FAM81A: variants seen among roughly 807,000 people sequenced by gnomAD.
FAM81A encodes protein FAM81A.
Under a neutral mutation model 46.7 loss-of-function variants are expected in FAM81A, and 19 were observed. The ratio of observed to expected loss-of-function variants is 0.41; its 90% CI spans 0.28 to 0.60. FAM81A has a LOEUF of 0.60. Among genes scored for constraint, FAM81A ranks in the 20% least tolerant of loss-of-function variants. FAM81A has a pLI of 0.34. For missense variants in FAM81A, 377 were observed against 453.5 expected (o/e 0.83, Z 1.53); for synonymous variants, 183 against 152.9 (o/e 1.20, Z -1.45).
intron 3 of FAM81A, among the ~76,000 whole-genome samples, chr15:59,465,610 G>A (rs921793167): frequency 1.3e-5 from 2 of 152,084 alleles, no homozygotes; most frequent in African/African-American, 2.4e-5. Context: ...TTGTCTATTC[G>A]CGGTCTTTTG....
intron 4 of FAM81A, among the ~76,000 whole-genome samples, chr15:59,499,724 A>G (rs990338755): frequency 6.6e-6 from 1 of 152,132 alleles, no homozygotes; most frequent in African/African-American, 2.4e-5. Context: ...AGCGCCATGA[A>G]TATGTCATCT....
chr15:59,402,713 TG>T (rs398118902), intron 2 of FAM81A, among the ~76,000 whole-genome samples: 2 of 20,124 alleles, frequency 9.9e-5, no homozygotes, highest in East Asian at 3.0e-3. Context: ...GATATTTTTT[TG>T]GGGGGTGGGG....
intron 2 of FAM81A, among the ~76,000 whole-genome samples, chr15:59,432,033 TTA>T (rs1351697124): frequency 1.5e-4 from 23 of 152,214 alleles, no homozygotes; most frequent in African/African-American, 5.5e-4. Flanking sequence ...TAATATTAAT[TTA>T]TCTTACTTTG....
intron 2 of FAM81A, among the ~76,000 whole-genome samples, chr15:59,403,534 A>T (rs1397290258): frequency 6.6e-6 from 1 of 152,184 alleles, no homozygotes; most frequent in Non-Finnish European, 1.5e-5. Flanking sequence ...GAGAATATAC[A>T]TTTATGTTGC....
chr15:59,518,806 A>C (rs28560277), intron 8 of FAM81A, among the ~76,000 whole-genome samples: 27,991 of 151,746 alleles, frequency 0.18, 3,311 homozygotes, highest in African/African-American at 0.33. Flanking sequence ...TGTTTTTTAA[A>C]TAAAAAAAAT....
intron 1 of FAM81A, among the ~76,000 whole-genome samples, chr15:59,453,603 T>G (rs1343455179): frequency 6.6e-6 from 1 of 152,066 alleles, no homozygotes; most frequent in Non-Finnish European, 1.5e-5. Flanking sequence ...TATGTTGGAC[T>G]GTAGCTGTGC....
At position 59,401,567 on chromosome 15, in the gene FAM81A, G is replaced by T. The variant is rs567064848; in HGVS notation, c.-160-709G>T. The T allele has an allele frequency of 9.5e-5, 75 of 786,286 alleles. No individual in the cohort carries two copies. The South Asian group carries it at 1.0e-3, about 11-fold the overall frequency. 48.7% of individuals were successfully genotyped at this position (786,286 alleles called of 1,614,324 possible). ...GACATTAGTAACCACCCTCTTCCATGCCTTCTTCTTTCTCTTCCTTGTTCG... is the reference window on the plus strand; with the variant it reads ...GACATTAGTAACCACCCTCTTCCATTCCTTCTTCTTTCTCTTCCTTGTTCG... On this transcript the variant is annotated intron_variant, in intron 1 of 4. Coordinates refer to the FAM81A transcript ENST00000558348.
intron 3 of FAM81A, among the ~76,000 whole-genome samples, chr15:59,476,629 T>A (rs1411915174): frequency 6.6e-5 from 10 of 151,162 alleles, no homozygotes; most frequent in African/African-American, 2.4e-4. Context: ...CTCCTAAAAA[T>A]ATATATAAAA....
At chr15:59,516,435 A>G (rs1178090273) in intron 7 of FAM81A, among the ~76,000 whole-genome samples, 1 of 152,142 alleles carries the variant, frequency 6.6e-6, no homozygotes, top group Non-Finnish European at 1.5e-5. Flanking sequence ...CAGCCTGAAA[A>G]TGTAGTCTTT....
At chr15:59,479,213 G>A (rs1205465632) in intron 3 of FAM81A, among the ~76,000 whole-genome samples, 1 of 152,078 alleles carries the variant, frequency 6.6e-6, no homozygotes, top group African/African-American at 2.4e-5. Flanking sequence ...CTGTGTGGCT[G>A]TCTTAGAAAG....
chr15:59,444,311 GT>G (rs2081332242), intron 1 of FAM81A: 1 of 152,260 alleles, frequency 6.6e-6, no homozygotes, highest in South Asian at 2.1e-4. Context: ...GAAGAGTCAG[GT>G]GGGTGTTGGC....
chr15:59,413,913 G>A (rs1343521213), intron 2 of FAM81A, among the ~76,000 whole-genome samples: 1 of 152,110 alleles, frequency 6.6e-6, no homozygotes, highest in African/African-American at 2.4e-5. Context: ...TGAGGCTCTG[G>A]CAGGTAGAAT....
rs181942259 is a variant in FAM81A, at chr15:59,410,811, C to T, written c.-78+8453C>T. Among the ~76,000 whole-genome samples, 55 of 152,284 alleles carry T rather than the reference C, an allele frequency of 3.6e-4. No homozygotes were observed. The East Asian group carries it at 5.4e-3, about 15-fold the overall frequency. ...CAGGCTATTGTGCAGTGGCTGATCT[C>T]GGCTTACTGATCTTGGCTGAATTCC... On this transcript the variant is annotated intron_variant, in intron 2 of 4. Coordinates refer to the FAM81A transcript ENST00000558348.
intron 1 of FAM81A, among the ~76,000 whole-genome samples, chr15:59,454,333 AATTT>A (rs1393795034): frequency 1.3e-5 from 2 of 152,192 alleles, no homozygotes; most frequent in African/African-American, 4.8e-5. Context: ...TTATCATTTT[AATTT>A]ATTAAATTCA....
chr15:59,478,734 G>A (rs1200338458), intron 3 of FAM81A, among the ~76,000 whole-genome samples: 4 of 137,154 alleles, frequency 2.9e-5, no homozygotes, highest in African/African-American at 1.1e-4. Context: ...AATGGAATTC[G>A]AATATTTATT....
chr15:59,454,294 A>C (rs1158414970), intron 1 of FAM81A, among the ~76,000 whole-genome samples: 1 of 152,216 alleles, frequency 6.6e-6, no homozygotes, highest in Non-Finnish European at 1.5e-5. Flanking sequence ...CTGTTTTTAC[A>C]TGATTGGTAT....
At position 59,407,679 on chromosome 15, in the gene FAM81A, A is replaced by C. The variant is rs554629466; in HGVS notation, c.-78+5321A>C. The C allele has an allele frequency of 6.5e-5, 11 of 168,714 alleles. No individual in the cohort carries two copies. The South Asian group carries it at 1.4e-3, about 22-fold the overall frequency. 10.5% of individuals were successfully genotyped at this position (168,714 alleles called of 1,614,324 possible). A position where few individuals can be genotyped will look rare whatever the true frequency, so the allele number is the denominator to read the frequency against. ...GCTCGATGGGATCCACATCATGTCC[A>C]GTCACCACCAGCTGAGCCTTCTTAT... On this transcript the variant is annotated intron_variant, in intron 2 of 4. Coordinates refer to the FAM81A transcript ENST00000558348.
upstream of FAM81A, among the ~76,000 whole-genome samples, chr15:59,434,094 A>G (rs1293261796): frequency 6.6e-5 from 10 of 152,176 alleles, no homozygotes; most frequent in African/African-American, 2.4e-4. Flanking sequence ...GCCTCAAGCT[A>G]TCTGCCCATC....
intron 6 of FAM81A, among the ~76,000 whole-genome samples, chr15:59,513,823 A>G (rs2082238425): frequency 6.6e-6 from 1 of 152,222 alleles, no homozygotes; most frequent in African/African-American, 2.4e-5. Context: ...TATGGAATCA[A>G]CCGAAATGTC....
Sources: allele counts gnomAD v4.1 joint callset (sites outside exome capture counted in the v4.1 genomes callset), GRCh38; gene constraint gnomAD v4.1.1; transcripts MANE v1.5; gene names NCBI Gene and HGNC (gene_info 2026-07-23, HGNC 2026-07-21).